LSR: variants seen among roughly 807,000 people sequenced by gnomAD.
The protein encoded by LSR is lipolysis-stimulated lipoprotein receptor.
A neutral mutation model predicts 61.8 loss-of-function variants in LSR; 44 were observed. The observed-to-expected ratio is 0.71, with a 90% confidence interval of 0.56 to 0.91. LSR has a LOEUF of 0.91. Ranked by LOEUF, LSR falls within the 40% of genes least tolerant of loss-of-function variation. The probability of loss-of-function intolerance (pLI) is 0.00; values close to 1 mark genes in which losing one functional copy is unlikely to be tolerated. For synonymous variants in LSR, 397 were observed against 350.6 expected, an observed-to-expected ratio of 1.13 and a Z score of -1.48; for missense variants, 911 against 830.5, an observed-to-expected ratio of 1.10 and a Z score of -1.19.
Position 35,250,629 on chromosome 19 carries a change from T to C in LSR, c.424T>C (p.Tyr142His). ...QGNAVTLGDY[Y>H]QGRRITITGN... ...CAACGCTGTGACCCTGGGAGATTAC[T>C]ACCAGGGCCGGAGGATTACCATCAC... Residue 142 changes from tyrosine to histidine, a missense_variant, in exon 2 of 10, where the codon TAC becomes CAC. Physicochemically the swap from Tyr to His is moderately conservative, Grantham distance 83 (BLOSUM62 2). Transcript: ENST00000605618. The C allele has an allele frequency of 6.3e-7, 1 of 1,582,044 alleles. No individual in the cohort carries two copies. Among genetic ancestry groups the C allele is most frequent in the Non-Finnish European group, 8.6e-7 (1 of 1,158,086 alleles).
intron 2 of LSR, among the ~76,000 whole-genome samples, chr19:35,253,021 GA>G (rs2065813936): frequency 8.5e-6 from 1 of 117,568 alleles, no homozygotes; most frequent in African/African-American, 2.8e-5. Context: ...ACCCTGTCTT[GA>G]AATGAAAAGA....
At chr19:35,256,450 G>A (rs942319752) in intron 2 of LSR, among the ~76,000 whole-genome samples, 2 of 152,188 alleles carry the variant, frequency 1.3e-5, no homozygotes, top group African/African-American at 4.8e-5. Flanking sequence ...CCGAAGCCTG[G>A]CTGGATAGAA....
Position 35,267,536 on chromosome 19 carries a change from G to C in LSR, c.1572G>C (p.Arg524=). The C allele has an allele frequency of 6.2e-7, 1 of 1,612,186 alleles. No homozygotes were observed. Among genetic ancestry groups the C allele is most frequent in the Non-Finnish European group, 8.5e-7 (1 of 1,179,736 alleles). Residue 524 remains arginine, a synonymous_variant, in exon 9 of 10, where the codon CGG becomes CGC. Transcript: ENST00000605618. Reference sequence around the variant, plus strand: ...CCAGGTCCCACCACCACCGTACCCGGGACCCTCGGGACAACGGCTCCAGGT... The same window carrying C: ...CCAGGTCCCACCACCACCGTACCCGCGACCCTCGGGACAACGGCTCCAGGT... ...ADPRSHHHRT[R]DPRDNGSRSG... is the part of the protein sequence containing the mutation.
At chr19:35,249,982 C>T (rs2065769114) in intron 1 of LSR, among the ~76,000 whole-genome samples, 1 of 152,098 alleles carries the variant, frequency 6.6e-6, no homozygotes, top group Non-Finnish European at 1.5e-5. Flanking sequence ...GCTTGCCTGC[C>T]CAGGCCACAC....
Position 35,267,314 on chromosome 19 carries a change from C to A in LSR, c.1350C>A (p.Asp450Glu), listed in dbSNP as rs758047622. 14 of 1,553,204 alleles carry A rather than the reference C, an allele frequency of 9.0e-6. No homozygotes were observed. Among genetic ancestry groups the A allele is most frequent in the Non-Finnish European group, 1.2e-5 (14 of 1,149,456 alleles). ...GGGCCCGCTCCGTGGACGCCCTGGACGACCTCACCCCGCCGAGCACCGCCG... is the reference window on the plus strand; with the variant it reads ...GGGCCCGCTCCGTGGACGCCCTGGAAGACCTCACCCCGCCGAGCACCGCCG... ...RPRARSVDAL[D>E]DLTPPSTAES... The change falls in exon 9 of 10, where the codon GAC (aspartate) becomes GAA (glutamate). Residue 450 changes from aspartate (D) to glutamate (E), a missense_variant. By Grantham distance (45) the Asp-to-Glu change is conservative. Coordinates refer to ENST00000605618, the MANE Select transcript of LSR (RefSeq NM_205834.4).
At chr19:35,249,469 C>T in intron 1 of LSR, 2 of 325,328 alleles carry the variant, frequency 6.1e-6, no homozygotes, top group South Asian at 8.5e-5. Context: ...GACTTGGGCG[C>T]ACCCGGGGAT....
intron 2 of LSR, chr19:35,253,255 G>C (rs1568441178): frequency 6.6e-6 from 1 of 152,290 alleles, no homozygotes; most frequent in Admixed American, 6.5e-5. Flanking sequence ...GGGAGGCGAA[G>C]GTTGCGGTGC....
At chr19:35,260,833 AAC>A (rs139397551) in intron 3 of LSR, among the ~76,000 whole-genome samples, 85 of 149,066 alleles carry the variant, frequency 5.7e-4, no homozygotes, top group South Asian at 8.5e-4. Flanking sequence ...AAGAAACACA[AAC>A]ACACACACAC....
intron 1 of LSR, 74 bp downstream of exon 1, chr19:35,249,205 C>G: frequency 6.8e-7 from 1 of 1,470,890 alleles, no homozygotes; most frequent in South Asian, 1.3e-5. Flanking sequence ...GAGTTGGAGG[C>G]GGCGGGAAGC....
Position 35,258,955 on chromosome 19 carries a change from G to T in LSR, c.465G>T (p.Leu155=), listed in dbSNP as rs1252405118. The change falls in exon 3 of 10, where the codon CTG becomes CTT. Residue 155 remains leucine (L), a synonymous_variant. Coordinates refer to ENST00000605618, the MANE Select transcript of LSR (RefSeq NM_205834.4). ...TTCATCCCGACTCAGATGCTGACCT[G>T]ACCTTTGACCAGACGGCGTGGGGGG... ...RRITITGNAD[L]TFDQTAWGDS... is the part of the protein sequence containing the mutation. The T allele has an allele frequency of 6.2e-7, 1 of 1,613,828 alleles. No homozygotes were observed. Among genetic ancestry groups the T allele is most frequent in the East Asian group, 2.2e-5 (1 of 44,876 alleles).
At position 35,265,975 on chromosome 19, in the gene LSR, C is replaced by T. The variant is rs377025327; in HGVS notation, c.779-384C>T. ...TTTGTTGCCCTGTAAACACACAGAC[C>T]ATGGGTGGCCACTTCTTCCAGTAAG... On this transcript the variant is annotated intron_variant, in intron 5 of 9. Transcript: ENST00000605618. Among the ~76,000 whole-genome samples the T allele has an allele frequency of 2.0e-5, 3 of 152,330 alleles. No individual in the cohort carries two copies. In the East Asian group the frequency reaches 5.8e-4, roughly 29 times the overall value.
chr19:35,267,773 G>A (rs370080183), intron 9 of LSR, 39 bp downstream of exon 9: 24 of 1,613,368 alleles, frequency 1.5e-5, no homozygotes, highest in African/African-American at 4.0e-5. Context: ...CCGTCCCTGG[G>A]CCCCCAGCCG....
intron 1 of LSR, chr19:35,249,446 A>C (rs898037351): frequency 1.6e-5 from 6 of 379,546 alleles, no homozygotes; most frequent in African/African-American, 1.3e-4. Flanking sequence ...TGGGAAAAGA[A>C]AAGCCGGGAT....
At position 35,261,922 on chromosome 19, in the gene LSR, C is replaced by T. The variant is rs375127116; in HGVS notation, c.575-3C>T. The T allele has an allele frequency of 2.0e-6, 3 of 1,470,690 alleles. No individual in the cohort carries two copies. Among genetic ancestry groups the T allele is most frequent in the Non-Finnish European group, 2.7e-6 (3 of 1,115,176 alleles). 91.1% of individuals were successfully genotyped at this position (1,470,690 alleles called of 1,614,324 possible). On this transcript the variant is annotated splice_region_variant and splice_polypyrimidine_tract_variant and intron_variant, in intron 3 of 9. Coordinates refer to ENST00000605618, the MANE Select transcript of LSR (RefSeq NM_205834.4). ...ATAATCTGTTTCTCTTTTGTCCCTCCAGGGAGGACCTCAGGGGTGGCTGAG... is the reference window on the plus strand; with the variant it reads ...ATAATCTGTTTCTCTTTTGTCCCTCTAGGGAGGACCTCAGGGGTGGCTGAG...
In LSR at chr19:35,250,678, G is replaced by C; in HGVS notation, c.454+19G>C. 6 of 1,525,580 alleles carry C rather than the reference G, an allele frequency of 3.9e-6. No individual in the cohort carries two copies. In the South Asian group the frequency reaches 7.8e-5, roughly 20 times the overall value. The allele number at this position is 1,525,580 out of a possible 1,614,324, so 94.5% of individuals were successfully genotyped here. On this transcript the variant is annotated intron_variant, in intron 2 of 9. Transcript: ENST00000605618. ...ACCGGAAGTATGTTGGGCAGGGCAG[G>C]GGGATGAGGCTGGGCTTGCCCGGGT...
chr19:35,266,685 G>A lies in LSR; in HGVS notation c.959G>A (p.Gly320Asp). ...GDVDRSSSAG[G>D]QGSYVPLLRD... is the part of the protein sequence containing the mutation. ...GACAGCCACTCTCCCCCAGCTGGTG[G>A]CCAAGGCTCCTATGTACCCCTGCTT... Residue 320 changes from glycine (G) to aspartate (D), a missense_variant, in exon 7 of 10, where the codon GGC (glycine) becomes GAC (aspartate). Gly to Asp is a moderately conservative substitution (Grantham distance 94). Coordinates refer to ENST00000605618, the MANE Select transcript of LSR (RefSeq NM_205834.4). The A allele has an allele frequency of 1.2e-6, 2 of 1,608,446 alleles. No individual in the cohort carries two copies. Among genetic ancestry groups the A allele is most frequent in the South Asian group, 1.1e-5 (1 of 89,982 alleles).
chr19:35,263,426 G>A (rs997077156), intron 5 of LSR, among the ~76,000 whole-genome samples: 1 of 152,156 alleles, frequency 6.6e-6, no homozygotes, highest in African/African-American at 2.4e-5. Context: ...TGCGATCATA[G>A]CTCTCTGCAG....
chr19:35,250,023 G>A (rs928628910), intron 1 of LSR, among the ~76,000 whole-genome samples: 2 of 152,178 alleles, frequency 1.3e-5, no homozygotes, highest in African/African-American at 4.8e-5. Flanking sequence ...GAATGGCAAA[G>A]GGAAGAGGGG....
chr19:35,255,209 C>G (rs2065841898), intron 2 of LSR, among the ~76,000 whole-genome samples: 1 of 151,982 alleles, frequency 6.6e-6, no homozygotes. Flanking sequence ...GATGGCACAC[C>G]CTGCTACTCT....
Sources: allele counts gnomAD v4.1 joint callset (sites outside exome capture counted in the v4.1 genomes callset), GRCh38; gene constraint gnomAD v4.1.1; transcripts MANE v1.5; gene names NCBI Gene and HGNC (gene_info 2026-07-23, HGNC 2026-07-21).